Variants in HLF observed in about 807,000 individuals in gnomAD.
HLF encodes hepatic leukemia factor.
Under a neutral mutation model 22.6 loss-of-function variants are expected in HLF, and 3 were observed. The ratio of observed to expected loss-of-function variants is 0.13; its 90% CI spans 0.06 to 0.34. The LOEUF is 0.34. HLF is among the 10% of genes least tolerant of loss of function. The pLI, the probability that HLF is intolerant of heterozygous loss-of-function variation, is 1.00. For missense variants in HLF, 299 were observed against 389.2 expected, an observed-to-expected ratio of 0.77 and a Z score of 1.95; for synonymous variants, 151 against 151.8, an observed-to-expected ratio of 0.99 and a Z score of 0.04.
chr17:55,288,919 C>T, intron 2 of HLF: 2 of 985,274 alleles, frequency 2.0e-6, no homozygotes, highest in Non-Finnish European at 2.4e-6. Flanking sequence ...CCTGCATGTT[C>T]CCAGATCACC....
intron 2 of HLF, among the ~76,000 whole-genome samples, chr17:55,310,562 G>C (rs1904784732): frequency 1.3e-5 from 2 of 152,170 alleles, no homozygotes; most frequent in African/African-American, 4.8e-5. Flanking sequence ...TTTAAAGTCT[G>C]GGACAAGCAG....
intron 3 of HLF, among the ~76,000 whole-genome samples, chr17:55,316,245 C>A (rs1426715193): frequency 6.6e-6 from 1 of 152,190 alleles, no homozygotes; most frequent in African/African-American, 2.4e-5. Context: ...TTAGAACTTT[C>A]ATGCTTCTTT....
At chr17:55,265,902 T>G in intron 1 of HLF, 2 of 1,095,520 alleles carry the variant, frequency 1.8e-6, no homozygotes, top group Non-Finnish European at 1.1e-6. Context: ...GATCGTTCCC[T>G]AGAACGAGGC....
intron 2 of HLF, among the ~76,000 whole-genome samples, chr17:55,269,767 C>G (rs980353747): frequency 9.2e-5 from 14 of 152,168 alleles, no homozygotes; most frequent in African/African-American, 3.1e-4. Flanking sequence ...CAATCCCTGT[C>G]TTCTGAAATA....
chr17:55,310,006 T>C (rs1904757356), intron 2 of HLF, among the ~76,000 whole-genome samples: 1 of 152,262 alleles, frequency 6.6e-6, no homozygotes, highest in South Asian at 2.1e-4. Context: ...GCTAAATTCT[T>C]GCTAAAATAC....
chr17:55,313,362 G>A (rs1598408856), intron 2 of HLF, among the ~76,000 whole-genome samples: 1 of 82,458 alleles, frequency 1.2e-5, no homozygotes, highest in African/African-American at 3.4e-5. Context: ...GTGTGTGCGT[G>A]TGTGTGTGTG....
chr17:55,294,305 C>T (rs549866828), intron 2 of HLF, among the ~76,000 whole-genome samples: 5 of 152,306 alleles, frequency 3.3e-5, no homozygotes, highest in South Asian at 4.1e-4. Flanking sequence ...TTTTCTCCTT[C>T]GACCATGGTG....
At chr17:55,285,226 C>T (rs1360106950) in intron 2 of HLF, among the ~76,000 whole-genome samples, 2 of 152,216 alleles carry the variant, frequency 1.3e-5, no homozygotes, top group Non-Finnish European at 2.9e-5. Flanking sequence ...AGGAGTCAAG[C>T]TCCTGCTATA....
At chr17:55,309,079 G>A (rs1904711912) in intron 2 of HLF, among the ~76,000 whole-genome samples, 1 of 152,216 alleles carries the variant, frequency 6.6e-6, no homozygotes, top group African/African-American at 2.4e-5. Flanking sequence ...TCAGAGACCA[G>A]CCCAGATGCA....
At chr17:55,311,506 A>G (rs1206010869) in intron 2 of HLF, among the ~76,000 whole-genome samples, 3 of 152,088 alleles carry the variant, frequency 2.0e-5, no homozygotes, top group African/African-American at 7.2e-5. Flanking sequence ...TCTGTCTCAA[A>G]GAAAAAAAAA....
At chr17:55,270,154 G>A (rs889302453) in intron 2 of HLF, among the ~76,000 whole-genome samples, 11 of 152,156 alleles carry the variant, frequency 7.2e-5, no homozygotes, top group Admixed American at 3.3e-4. Context: ...TGAGTTTCAG[G>A]GGATGTCATT....
intron 1 of HLF, 168 bp downstream of exon 1, chr17:55,265,767 C>CCTTCCTCCT: frequency 4.0e-6 from 5 of 1,261,066 alleles, no homozygotes; most frequent in Non-Finnish European, 5.1e-6. Flanking sequence ...CCCTTCCTCC[C>CCTTCCTCCT]CTTCCTCCTC....
At chr17:55,312,377 T>C (rs1466859748) in intron 2 of HLF, among the ~76,000 whole-genome samples, 2 of 152,230 alleles carry the variant, frequency 1.3e-5, no homozygotes, top group Non-Finnish European at 2.9e-5. Context: ...TTTAAAAATA[T>C]AAAATGTACA....
intron 2 of HLF, among the ~76,000 whole-genome samples, chr17:55,305,446 C>T (rs746456130): frequency 1.3e-5 from 2 of 152,124 alleles, no homozygotes; most frequent in Non-Finnish European, 2.9e-5. Flanking sequence ...CTGGGGTTTG[C>T]CAACTCTTGT....
At chr17:55,276,543 C>G (rs1037097370) in intron 2 of HLF, among the ~76,000 whole-genome samples, 1 of 152,074 alleles carries the variant, frequency 6.6e-6, no homozygotes, top group African/African-American at 2.4e-5. Context: ...GTGATGGGCC[C>G]GGAAGGAGGG....
intron 2 of HLF, among the ~76,000 whole-genome samples, chr17:55,311,365 G>A (rs539942107): frequency 7.8e-4 from 118 of 152,136 alleles, no homozygotes; most frequent in Admixed American, 3.1e-3. Context: ...TTAGCCGGGC[G>A]TGGTGGCGGG....
rs561289370 is a variant in HLF at position 55,307,536 on chromosome 17, T to A, written c.452-7691T>A. On this transcript the variant is annotated intron_variant, in intron 2 of 3. Transcript: ENST00000226067. ...CACAAAGTGAAAAAAATAACATTTT[T>A]AATTTCTGATTTTGAAAGTGAAGAT... Among the ~76,000 whole-genome samples the A allele has an allele frequency of 3.9e-5, 6 of 152,240 alleles. No individual in the cohort carries two copies. The East Asian group carries it at 1.2e-3, about 29-fold the overall frequency.
chr17:55,296,465 G>T (rs1266139461), intron 2 of HLF, among the ~76,000 whole-genome samples: 2 of 152,090 alleles, frequency 1.3e-5, no homozygotes, highest in African/African-American at 4.8e-5. Context: ...TATATATGGG[G>T]GTGGGTGTGT....
chr17:55,270,320 GA>G (rs2080840278), intron 2 of HLF, among the ~76,000 whole-genome samples: 1 of 152,102 alleles, frequency 6.6e-6, no homozygotes, highest in African/African-American at 2.4e-5. Context: ...CATAGAAAAG[GA>G]AAAAAGTTAA....
Sources: gnomAD v4.1 joint callset for allele counts (sites outside exome capture counted in the v4.1 genomes callset) on GRCh38, gnomAD v4.1.1 for gene constraint, MANE v1.5 for transcripts, NCBI Gene and HGNC (gene_info 2026-07-23, HGNC 2026-07-21) for gene names.